The following CRADD variants were observed in gnomAD, a reference collection of about 807,000 sequenced individuals.
The protein encoded by CRADD is death domain-containing protein CRADD.
In CRADD, 9 loss-of-function variants were observed where a neutral mutation model predicts 15.5. The ratio of observed to expected loss-of-function variants is 0.58; its 90% CI spans 0.35 to 1.01. The LOEUF (loss-of-function observed/expected upper bound fraction) is 1.01, where lower values mean the gene tolerates loss of function less well. Ranked by LOEUF, CRADD falls within the 50% of genes least tolerant of loss-of-function variation. The pLI, the probability that CRADD is intolerant of heterozygous loss-of-function variation, is 0.02. For synonymous variants in CRADD, 118 were observed against 107.6 expected (o/e 1.10, Z -0.60); for missense variants, 227 against 250.3 (o/e 0.91, Z 0.63).
intron 2 of CRADD, among the ~76,000 whole-genome samples, chr12:93,843,059 G>T (rs1958068382): frequency 6.6e-6 from 1 of 152,180 alleles, no homozygotes; most frequent in Non-Finnish European, 1.5e-5. Context: ...AAACCAGGAT[G>T]AACATTCTAT....
At chr12:93,697,698 C>T (rs1299182231) in intron 2 of CRADD, among the ~76,000 whole-genome samples, 1 of 152,110 alleles carries the variant, frequency 6.6e-6, no homozygotes, top group Non-Finnish European at 1.5e-5. Context: ...AATCTCTTTT[C>T]CTCATTCATT....
At chr12:93,760,161 A>G (rs1481883511) in intron 2 of CRADD, among the ~76,000 whole-genome samples, 1 of 152,216 alleles carries the variant, frequency 6.6e-6, no homozygotes, top group East Asian at 1.9e-4. Flanking sequence ...AAAAAAATAC[A>G]GAAATGTTAG....
intron 2 of CRADD, among the ~76,000 whole-genome samples, chr12:93,799,718 A>G (rs1038621050): frequency 6.6e-6 from 1 of 152,226 alleles, no homozygotes; most frequent in African/African-American, 2.4e-5. Context: ...ATACCCAGAT[A>G]GTTTAAAGCT....
chr12:93,722,844 CTG>C (rs1403130117), intron 2 of CRADD, among the ~76,000 whole-genome samples: 8 of 152,120 alleles, frequency 5.3e-5, no homozygotes, highest in Non-Finnish European at 1.0e-4. Context: ...TCTCTTCAAA[CTG>C]TGTTGTTTTG....
intron 2 of CRADD, among the ~76,000 whole-genome samples, chr12:93,696,287 A>C (rs758253518): frequency 6.6e-6 from 1 of 152,248 alleles, no homozygotes. Flanking sequence ...CTACACTTTC[A>C]TGTTCACTGC....
chr12:93,845,768 A>G (rs1242129342), intron 2 of CRADD, among the ~76,000 whole-genome samples: 1 of 152,100 alleles, frequency 6.6e-6, no homozygotes, highest in Non-Finnish European at 1.5e-5. Context: ...GGATTCTTTT[A>G]ATTTTTATTT....
Position 93,888,424 on chromosome 12 carries a change from C to CAA in CRADD, c.299-5611_299-5610dup, listed in dbSNP as rs36015332. On this transcript the variant is annotated intron_variant, in intron 2 of 2. Coordinates refer to the CRADD transcript ENST00000548483. ...TGGGTGACAGAGTGAGACTCCGTCTCAAAAAAAAAAAAAAAAGATAGAGAT... is the reference window on the plus strand; with the variant it reads ...TGGGTGACAGAGTGAGACTCCGTCTCAAAAAAAAAAAAAAAAAAGATAGAGAT... Among the ~76,000 whole-genome samples the CAA allele has an allele frequency of 2.3e-3, 256 of 113,108 alleles. 1 individual carries two copies. Among genetic ancestry groups the CAA allele is most frequent in the African/African-American group, 5.7e-3 (165 of 29,088 alleles). 74.2% of individuals were successfully genotyped at this position (113,108 alleles called of 152,430 possible).
intron 1 of CRADD, chr12:93,677,957 G>A (rs1955197799): frequency 6.6e-6 from 1 of 152,462 alleles, no homozygotes; most frequent in South Asian, 2.1e-4. Context: ...ACACAACCAA[G>A]CCACAGCACA....
intron 2 of CRADD, among the ~76,000 whole-genome samples, chr12:93,751,288 G>A (rs1956826412): frequency 1.3e-5 from 2 of 152,192 alleles, no homozygotes; most frequent in African/African-American, 4.8e-5. Context: ...TACCTACAGT[G>A]AGGGCAGTCT....
chr12:93,785,854 C>T lies in CRADD; in HGVS notation c.299-64116C>T, dbSNP rs572853290. Among the ~76,000 whole-genome samples, 5 of 152,286 alleles carry T rather than the reference C, an allele frequency of 3.3e-5. No homozygotes were observed. In the South Asian group the frequency reaches 8.3e-4, roughly 25 times the overall value. ...GTGACCATGAACAAGTCACGTGACC[C>T]TTTGGCCTTAAATTCACCATAAAGT... On this transcript the variant is annotated intron_variant, in intron 2 of 2. Transcript: ENST00000332896.
chr12:93,844,748 C>A (rs1461240657), intron 2 of CRADD, among the ~76,000 whole-genome samples: 1 of 152,166 alleles, frequency 6.6e-6, no homozygotes, highest in Non-Finnish European at 1.5e-5. Context: ...CAAAATCAAA[C>A]CCAGCCCCAC....
intron 2 of CRADD, among the ~76,000 whole-genome samples, chr12:93,758,238 T>A (rs1329069781): frequency 6.6e-6 from 1 of 152,136 alleles, no homozygotes; most frequent in East Asian, 1.9e-4. Context: ...GAGATTAGAG[T>A]TTAGAATCTA....
In CRADD at chr12:93,760,568, A is replaced by T. The variant is rs540766694; in HGVS notation, c.298+81496A>T. Among the ~76,000 whole-genome samples the T allele has an allele frequency of 3.5e-3, 540 of 152,286 alleles. 5 individuals carry two copies. Among genetic ancestry groups the T allele is most frequent in the Middle Eastern group, 0.027 (8 of 294 alleles). On this transcript the variant is annotated intron_variant, in intron 2 of 2. Coordinates refer to ENST00000332896, the MANE Select transcript of CRADD (RefSeq NM_003805.5). ...AATTTGTCCTACCCCACAGTCAGCA[A>T]TTTCATATCTACTGCTCACAGTATG...
intron 2 of CRADD, among the ~76,000 whole-genome samples, chr12:93,782,381 C>T (rs1276084600): frequency 1.3e-5 from 2 of 151,800 alleles, no homozygotes; most frequent in Non-Finnish European, 1.5e-5. Context: ...TTAGGAGATA[C>T]ACTTAATGCT....
chr12:93,685,570 C>A (rs1955409264), intron 2 of CRADD, among the ~76,000 whole-genome samples: 1 of 151,800 alleles, frequency 6.6e-6, no homozygotes, highest in Non-Finnish European at 1.5e-5. Context: ...TTTTATGTAT[C>A]AACCAAAAAT....
rs144886084 is a variant in CRADD, at chr12:93,889,301, C to G, written c.299-4749C>G. Among the ~76,000 whole-genome samples the G allele has an allele frequency of 3.6e-3, 553 of 152,250 alleles. 2 individuals are homozygous for G. The highest frequency in any genetic ancestry group is 3.8e-3 in the Non-Finnish European group (259 of 68,030). ...GAGGTACATAGAGAGATGCCATGCACATTTTATATAGGACCAAGTTCATGC... is the reference window on the plus strand; with the variant it reads ...GAGGTACATAGAGAGATGCCATGCAGATTTTATATAGGACCAAGTTCATGC... On this transcript the variant is annotated intron_variant, in intron 2 of 2. Coordinates refer to the CRADD transcript ENST00000548483.
chr12:93,704,456 T>G (rs1006879651), intron 2 of CRADD, among the ~76,000 whole-genome samples: 1 of 152,190 alleles, frequency 6.6e-6, no homozygotes, highest in Non-Finnish European at 1.5e-5. Context: ...GGCATCATCC[T>G]TGTTTCCTTC....
intron 2 of CRADD, among the ~76,000 whole-genome samples, chr12:93,835,078 C>A (rs965661593): frequency 1.3e-5 from 2 of 152,200 alleles, no homozygotes; most frequent in African/African-American, 4.8e-5. Flanking sequence ...CATTGGTATG[C>A]ACTGCTGATA....
chr12:93,722,103 A>T (rs575397237), intron 2 of CRADD, among the ~76,000 whole-genome samples: 123 of 152,312 alleles, frequency 8.1e-4, no homozygotes, highest in African/African-American at 2.9e-3. Context: ...GGATAGTTTC[A>T]CAAGGTACAA....
Sources: allele counts gnomAD v4.1 joint callset (sites outside exome capture counted in the v4.1 genomes callset), GRCh38; gene constraint gnomAD v4.1.1; transcripts MANE v1.5; gene names NCBI Gene and HGNC (gene_info 2026-07-23, HGNC 2026-07-21).